Variants in RAB37 observed in about 807,000 individuals in gnomAD.
RAB37 encodes RAB37, member RAS oncogene family.
RAB37 carries 29 observed loss-of-function variants against 33.1 expected under a neutral mutation model. The observed-to-expected ratio is 0.88, with a 90% confidence interval of 0.65 to 1.20. The LOEUF (loss-of-function observed/expected upper bound fraction) is 1.20, where lower values mean the gene tolerates loss of function less well. RAB37 is among the 50% of genes most tolerant of loss of function. The probability of loss-of-function intolerance (pLI) is 0.00; values close to 1 mark genes in which losing one functional copy is unlikely to be tolerated. For missense variants in RAB37, 299 were observed against 301.1 expected (o/e 0.99, Z 0.05); for synonymous variants, 128 against 119.5 (o/e 1.07, Z -0.47).
At chr17:74,691,456 C>G (rs1056695780) in intron 1 of RAB37, among the ~76,000 whole-genome samples, 1 of 152,214 alleles carries the variant, frequency 6.6e-6, no homozygotes, top group Non-Finnish European at 1.5e-5. Context: ...AAACGTGAGC[C>G]ACCATGCCCG....
chr17:74,682,663 G>C (rs2031977880), intron 1 of RAB37, among the ~76,000 whole-genome samples: 1 of 152,336 alleles, frequency 6.6e-6, no homozygotes, highest in Admixed American at 6.5e-5. Flanking sequence ...CCAGCACTTT[G>C]GGAGGTCAAG....
intron 1 of RAB37, chr17:74,677,509 T>C (rs1217903944): frequency 2.0e-5 from 3 of 152,214 alleles, no homozygotes; most frequent in Non-Finnish European, 4.4e-5. Flanking sequence ...AGTTTTGTTT[T>C]CAAAGCGCAC....
intron 1 of RAB37, among the ~76,000 whole-genome samples, chr17:74,705,570 CT>C (rs956866675): frequency 1.1e-4 from 16 of 150,330 alleles, no homozygotes; most frequent in South Asian, 6.3e-4. Flanking sequence ...GCAGTATTTA[CT>C]TTTTTTTTTC....
chr17:74,735,889 T>C (rs1276761450), upstream of RAB37, among the ~76,000 whole-genome samples: 2 of 152,122 alleles, frequency 1.3e-5, no homozygotes, highest in African/African-American at 4.8e-5. Context: ...CGTCTACCCC[T>C]GCTCCTCACC....
intron 1 of RAB37, among the ~76,000 whole-genome samples, chr17:74,675,139 G>A (rs1317713768): frequency 2.0e-5 from 3 of 152,128 alleles, no homozygotes; most frequent in Non-Finnish European, 4.4e-5. Flanking sequence ...CTGGAATATA[G>A]GAAGCATTCA....
chr17:74,731,367 G>A (rs1238010643), intron 2 of RAB37, among the ~76,000 whole-genome samples: 3 of 152,246 alleles, frequency 2.0e-5, no homozygotes, highest in African/African-American at 7.2e-5. Flanking sequence ...GGGAGGGACA[G>A]AGCCCCTGGT....
chr17:74,736,962 T>A, upstream of RAB37: 1 of 1,542,598 alleles, frequency 6.5e-7, no homozygotes, highest in Non-Finnish European at 8.7e-7. Context: ...CGCGGCCCGC[T>A]CCCCCAGGGG....
At chr17:74,725,961 G>A in intron 1 of RAB37, among the ~76,000 whole-genome samples, 1 of 151,752 alleles carries the variant, frequency 6.6e-6, no homozygotes, top group Non-Finnish European at 1.5e-5. Flanking sequence ...ACCTAGCAGG[G>A]CATTGTGGCT....
chr17:74,671,491 C>A lies in RAB37; in HGVS notation c.-96C>A. ...TGCGGCCCGGCCCGCAGAGCTCAGA[C>A]CCAAGCCTGCCGCACCCAGCGGAGC... is the stretch of plus-strand genomic sequence containing the variant. On this transcript the variant is annotated 5_prime_UTR_variant, in exon 1 of 8. Coordinates refer to the RAB37 transcript ENST00000340415. This position sits in a 1 kb window ranked among gnomAD's most constrained non-coding sequence, Gnocchi z 5.0. The A allele has an allele frequency of 8.3e-7, 1 of 1,210,254 alleles. No homozygotes were observed. Among genetic ancestry groups the A allele is most frequent in the Non-Finnish European group, 1.2e-6 (1 of 828,924 alleles). 75.0% of individuals were successfully genotyped at this position (1,210,254 alleles called of 1,614,324 possible).
chr17:74,715,740 A>T lies in RAB37; in HGVS notation c.73-13516A>T, dbSNP rs535107408. Among the ~76,000 whole-genome samples the T allele has an allele frequency of 2.0e-5, 3 of 152,172 alleles. No homozygotes were observed. In the East Asian group the frequency reaches 5.8e-4, roughly 29 times the overall value. On this transcript the variant is annotated intron_variant, in intron 1 of 7. Transcript: ENST00000340415. ...ATTCCCCTTTGAAACAAGAACAGAG[A>T]ATTCAGGCCGGGCACGGTGGCTTAC...
At chr17:74,704,575 C>T in intron 1 of RAB37, 2 of 1,614,174 alleles carry the variant, frequency 1.2e-6, no homozygotes, top group East Asian at 4.5e-5. Context: ...TGAGATCCTC[C>T]ATGGTCACAG....
intron 1 of RAB37, among the ~76,000 whole-genome samples, chr17:74,708,350 A>G (rs181539900): frequency 4.6e-4 from 70 of 152,320 alleles, no homozygotes; most frequent in Middle Eastern, 3.4e-3. Context: ...CACGTAAAGA[A>G]GAAATAATGT....
chr17:74,701,847 C>CAA (rs11321122), intron 1 of RAB37, among the ~76,000 whole-genome samples: 22 of 86,678 alleles, frequency 2.5e-4, no homozygotes, highest in Admixed American at 1.8e-3. Flanking sequence ...GAGAATCCGT[C>CAA]AAAAAAAAAA....
upstream of RAB37, chr17:74,736,970 G>A (rs1382382931): frequency 6.4e-7 from 1 of 1,560,130 alleles, no homozygotes; most frequent in South Asian, 1.2e-5. Context: ...GCTCCCCCAG[G>A]GGCAAGCAAG....
intron 1 of RAB37, among the ~76,000 whole-genome samples, chr17:74,673,407 C>A (rs1178943985): frequency 3.4e-4 from 47 of 137,924 alleles, no homozygotes; most frequent in South Asian, 4.7e-4. Flanking sequence ...GACCTTGTCT[C>A]AAAAAAAAAA....
chr17:74,715,115 T>C (rs1032343617), intron 1 of RAB37, among the ~76,000 whole-genome samples: 3 of 152,006 alleles, frequency 2.0e-5, no homozygotes, highest in African/African-American at 7.3e-5. Context: ...AGAGTGAAAC[T>C]CCATCTCAAA....
At chr17:74,700,074 G>A (rs1304808692) in intron 1 of RAB37, among the ~76,000 whole-genome samples, 2 of 152,022 alleles carry the variant, frequency 1.3e-5, no homozygotes, top group East Asian at 1.9e-4. Context: ...CCCAGGAGGC[G>A]GAGGTTGCAG....
chr17:74,722,903 C>A lies in RAB37; in HGVS notation c.73-6353C>A, dbSNP rs529664433. On this transcript the variant is annotated intron_variant, in intron 1 of 7. Transcript: ENST00000340415. ...AGGTCACTCAGAGCCACTTTAGGAGCCATGGTAACCATCCCATTTATCAGG... is the reference window on the plus strand; with the variant it reads ...AGGTCACTCAGAGCCACTTTAGGAGACATGGTAACCATCCCATTTATCAGG... 8.1e-4 allele frequency among the ~76,000 whole-genome samples: 123 copies of A among 152,278 alleles called. 2 individuals are homozygous for A. In the Middle Eastern group the frequency reaches 0.014, roughly 17 times the overall value.
intron 1 of RAB37, among the ~76,000 whole-genome samples, chr17:74,720,574 G>A (rs191663804): frequency 6.6e-6 from 1 of 152,256 alleles, no homozygotes; most frequent in African/African-American, 2.4e-5. Context: ...CTGTGTGACA[G>A]ACTGAGCCTC....
Sources: gnomAD v4.1 joint callset for allele counts (sites outside exome capture counted in the v4.1 genomes callset) on GRCh38, gnomAD v4.1.1 for gene constraint, Gnocchi (gnomAD v3.1) non-coding constraint, MANE v1.5 for transcripts, NCBI Gene and HGNC (gene_info 2026-07-23, HGNC 2026-07-21) for gene names.